Variants in INTS14 observed in about 807,000 individuals in gnomAD.
INTS14 encodes the protein UPF0464 protein C15orf44.
A neutral mutation model predicts 56.9 loss-of-function variants in INTS14; 27 were observed. That is an observed-to-expected ratio of 0.47 (90% confidence interval 0.35 to 0.65). The LOEUF is 0.65. INTS14 is among the 30% of genes least tolerant of loss of function. INTS14 has a pLI of 0.00. For synonymous variants in INTS14, 207 were observed against 236.2 expected (o/e 0.88, Z 1.13); for missense variants, 517 against 632.2 (o/e 0.82, Z 1.95).
chr15:65,596,729 C>T (rs1449160233), intron 6 of INTS14, among the ~76,000 whole-genome samples: 1 of 152,140 alleles, frequency 6.6e-6, no homozygotes, highest in Admixed American at 6.6e-5. Flanking sequence ...TGCCACCACG[C>T]CTGGCTAATT....
At chr15:65,601,403 C>T (rs921979551) in intron 3 of INTS14, among the ~76,000 whole-genome samples, 7 of 152,102 alleles carry the variant, frequency 4.6e-5, no homozygotes, top group South Asian at 4.2e-4. Flanking sequence ...AGTGCGGTGG[C>T]GTGATCTCAG....
chr15:65,610,951 T>C, intron 1 of INTS14, 147 bp downstream of exon 1: 21 of 1,472,804 alleles, frequency 1.4e-5, no homozygotes, highest in Non-Finnish European at 1.8e-5. Flanking sequence ...GCCCCGGAAC[T>C]GGCGCCTCAC....
In INTS14 at chr15:65,609,053, A is replaced by G. The variant is rs548826662; in HGVS notation, c.-62-1611T>C. On this transcript the variant is annotated intron_variant, in intron 1 of 11. Transcript: ENST00000313182. ...GCCGGGACTACAGGCGCGAGTAGCC[A>G]GGACTACAGGCGCGTGTCACCACAC... Among the ~76,000 whole-genome samples the G allele has an allele frequency of 3.3e-5, 5 of 152,276 alleles. No homozygotes were observed. The East Asian group carries it at 5.8e-4, about 18-fold the overall frequency.
chr15:65,604,771 G>C (rs749438997), intron 3 of INTS14, among the ~76,000 whole-genome samples: 2 of 149,050 alleles, frequency 1.3e-5, no homozygotes, highest in Non-Finnish European at 3.0e-5. Flanking sequence ...TAATTGCATT[G>C]AGATAATGAA....
In INTS14 at chr15:65,595,763, G is replaced by A; in HGVS notation, c.811C>T (p.His271Tyr). The A allele has an allele frequency of 6.2e-7, 1 of 1,610,682 alleles. No individual in the cohort carries two copies. Among genetic ancestry groups the A allele is most frequent in the Non-Finnish European group, 8.5e-7 (1 of 1,179,014 alleles). ...TTAAGTGCTATAGGTAAGACCAGAT[G>A]TCTGGACAGAACTGGGGGACTTGAA... ...DISSPPVLSR[H>Y]LVLPIALNKE... The change falls in exon 7 of 12, where the codon CAT becomes TAT. Residue 271 changes from histidine (H) to tyrosine (Y), a missense_variant. By Grantham distance (83) the His-to-Tyr change is moderately conservative. Coordinates refer to ENST00000313182, the MANE Select transcript of INTS14 (RefSeq NM_001394796.1).
At chr15:65,581,910 C>T (rs757061881) in intron 11 of INTS14, 44 bp downstream of exon 11, 7 of 1,593,104 alleles carry the variant, frequency 4.4e-6, no homozygotes, top group South Asian at 1.1e-5. Flanking sequence ...GTTTTACTGT[C>T]GTGAACCATA....
chr15:65,593,384 T>C (rs1479424398), intron 8 of INTS14, 44 bp downstream of exon 8: 1 of 1,568,914 alleles, frequency 6.4e-7, no homozygotes, highest in Non-Finnish European at 8.6e-7. Flanking sequence ...CTTTGTAAAA[T>C]GATTTTCCCT....
At chr15:65,593,608 T>G in intron 7 of INTS14, 36 bp from the exon 8 acceptor site, 1 of 1,596,108 alleles carries the variant, frequency 6.3e-7, no homozygotes, top group Admixed American at 1.8e-5. Flanking sequence ...AGACTGAAAT[T>G]ACCTACAAAA....
chr15:65,599,017 A>C, intron 4 of INTS14, 27 bp from the exon 5 acceptor site: 1 of 1,563,798 alleles, frequency 6.4e-7, no homozygotes, highest in Non-Finnish European at 8.7e-7. Context: ...ATGACCCTTA[A>C]AGTGGCTGGC....
chr15:65,599,582 T>C (rs191131263), intron 4 of INTS14, 192 bp downstream of exon 4: 1 of 562,556 alleles, frequency 1.8e-6, no homozygotes, highest in East Asian at 3.3e-5. Context: ...GTTCCCCAGA[T>C]GAGGCAACAC....
At chr15:65,591,758 G>T (rs766865006) in intron 8 of INTS14, 27 bp from the exon 9 acceptor site, 8 of 1,612,018 alleles carry the variant, frequency 5.0e-6, no homozygotes, top group Non-Finnish European at 6.8e-6. Context: ...CGGAAGATCA[G>T]AAGAACATCA....
chr15:65,605,978 G>A (rs1375664731), intron 2 of INTS14, among the ~76,000 whole-genome samples: 2 of 151,976 alleles, frequency 1.3e-5, no homozygotes, highest in African/African-American at 4.8e-5. Flanking sequence ...AGATAAGGCC[G>A]GGCGCGGTGG....
chr15:65,594,794 C>T (rs186604390), intron 7 of INTS14, among the ~76,000 whole-genome samples: 31 of 152,148 alleles, frequency 2.0e-4, no homozygotes, highest in Admixed American at 1.8e-3. Context: ...ATGCAGAATT[C>T]CCCAGGGCCT....
Position 65,597,080 on chromosome 15 carries a change from A to G in INTS14, c.748+1241T>C, listed in dbSNP as rs553851616. On this transcript the variant is annotated intron_variant, in intron 6 of 11. Coordinates refer to ENST00000313182, the MANE Select transcript of INTS14 (RefSeq NM_001394796.1). ...CCTATTCAAATTTACTCATCGAAAA[A>G]GGATGGGAAGGAAGTGGAATCTAAC... 2.0e-5 allele frequency among the ~76,000 whole-genome samples: 3 copies of G among 152,336 alleles called. No individual in the cohort carries two copies. The South Asian group carries it at 6.2e-4, about 32-fold the overall frequency.
At chr15:65,609,188 C>T (rs947553588) in intron 1 of INTS14, among the ~76,000 whole-genome samples, 5 of 152,136 alleles carry the variant, frequency 3.3e-5, no homozygotes, top group Non-Finnish European at 5.9e-5. Flanking sequence ...CTTCTGACCT[C>T]GTGATCCACC....
chr15:65,593,634 T>A (rs1388075940), intron 7 of INTS14, 62 bp from the exon 8 acceptor site: 1 of 1,564,992 alleles, frequency 6.4e-7, no homozygotes, highest in Admixed American at 1.8e-5. Context: ...AAACCCCAAT[T>A]TATACTCTTG....
chr15:65,601,713 C>G (rs2073441132), intron 3 of INTS14, among the ~76,000 whole-genome samples: 1 of 152,154 alleles, frequency 6.6e-6, no homozygotes, highest in African/African-American at 2.4e-5. Flanking sequence ...CCCAAGAATG[C>G]TTAATAGAGG....
chr15:65,580,819 A>G (rs2072576933), intron 11 of INTS14, among the ~76,000 whole-genome samples: 1 of 152,094 alleles, frequency 6.6e-6, no homozygotes, highest in African/African-American at 2.4e-5. Flanking sequence ...TCCCCACTCT[A>G]CCCCACCCCC....
chr15:65,596,998 A>C (rs538169958), intron 6 of INTS14, among the ~76,000 whole-genome samples: 4 of 152,358 alleles, frequency 2.6e-5, no homozygotes, highest in African/African-American at 9.6e-5. Flanking sequence ...CTTTATTTTA[A>C]AGCAGTTTAG....
Sources: allele counts gnomAD v4.1 joint callset (sites outside exome capture counted in the v4.1 genomes callset), GRCh38; gene constraint gnomAD v4.1.1; transcripts MANE v1.5; gene names NCBI Gene and HGNC (gene_info 2026-07-23, HGNC 2026-07-21).